The following TCF3 variants were observed in gnomAD, a reference collection of about 807,000 sequenced individuals.
TCF3 encodes transcription factor 3.
In TCF3, 54 loss-of-function variants were observed where a neutral mutation model predicts 72.3. The ratio of observed to expected loss-of-function variants is 0.75; its 90% CI spans 0.60 to 0.94. The LOEUF (loss-of-function observed/expected upper bound fraction) is 0.94, where lower values mean the gene tolerates loss of function less well. Among genes scored for constraint, TCF3 ranks in the 40% least tolerant of loss-of-function variants. The probability of loss-of-function intolerance (pLI) is 0.00; values close to 1 mark genes in which losing one functional copy is unlikely to be tolerated. For missense variants in TCF3, 1,078 were observed against 934.4 expected (o/e 1.15, Z -2.00); for synonymous variants, 525 against 412.6 (o/e 1.27, Z -3.30).
chr19:1,620,240 T>C (rs535269130), intron 13 of TCF3, among the ~76,000 whole-genome samples: 18 of 151,958 alleles, frequency 1.2e-4, no homozygotes, highest in Non-Finnish European at 1.3e-4. Flanking sequence ...CAGGCCGAGG[T>C]GAAGTGAGGG....
At position 1,622,149 on chromosome 19, in the gene TCF3, C is replaced by T. The variant is rs751551556; in HGVS notation, c.727G>A (p.Gly243Ser). 12 of 1,582,160 alleles carry T rather than the reference C, an allele frequency of 7.6e-6. No homozygotes were observed. The Middle Eastern group carries it at 5.3e-4, about 70-fold the overall frequency. Residue 243 changes from glycine to serine, a missense_variant, in exon 10 of 19, where the codon GGC becomes AGC. Physicochemically the swap from Gly to Ser is moderately conservative, Grantham distance 56 (BLOSUM62 0). Transcript: ENST00000262965. ...GGCGGGAGGGGCAGCGGGGATGAGC[C>T]CCCACCCAGCATGGGCCCGAAGCCC... ...QAGFGPMLGG[G>S]SSPLPLPPGS... is the part of the protein sequence containing the mutation.
Position 1,621,036 on chromosome 19 carries a change from G to C in TCF3, c.1025C>G (p.Pro342Arg), listed in dbSNP as rs747273925. 1.3e-6 allele frequency: 2 copies of C among 1,525,120 alleles called. No individual in the cohort carries two copies. Among genetic ancestry groups the C allele is most frequent in the Admixed American group, 4.3e-5 (2 of 46,880 alleles). The allele number at this position is 1,525,120 out of a possible 1,614,324, so 94.5% of individuals were successfully genotyped here. A position where few individuals can be genotyped will look rare whatever the true frequency, so the allele number is the denominator to read the frequency against. ...CGAGAAGTTATTGCTTGAGTGATCC[G>C]GGGAGTAGATCTGCGAGGAGGACCA... ...LGKALASIYS[P>R]DHSSNNFSSS... The change falls in exon 13 of 19, where the codon CCG becomes CGG. Residue 342 changes from proline to arginine, a missense_variant. By Grantham distance (103) the Pro-to-Arg change is moderately radical. Transcript: ENST00000262965.
Position 1,615,543 on chromosome 19 carries a change from G to A in TCF3, c.1587-23C>T, listed in dbSNP as rs752217023. 1 of 1,605,128 alleles carries A rather than the reference G, an allele frequency of 6.2e-7. No individual in the cohort carries two copies. Among genetic ancestry groups the A allele is most frequent in the Non-Finnish European group, 8.5e-7 (1 of 1,179,770 alleles). The stretch of plus-strand genomic sequence containing the variant: ...GGGCTATGGGGAGGGCGCCGGGAGG[G>A]GGCCAGAGGGAGACAGTGAGGTTGG... On this transcript the variant is annotated intron_variant, in intron 17 of 18. Coordinates refer to ENST00000262965, the MANE Select transcript of TCF3 (RefSeq NM_003200.5). The surrounding 1 kb of genome is among the most constrained non-coding windows in gnomAD (Gnocchi z 7.3).
chr19:1,646,684 G>A (rs1468786024), intron 2 of TCF3, among the ~76,000 whole-genome samples: 4 of 152,132 alleles, frequency 2.6e-5, no homozygotes, highest in African/African-American at 4.8e-5. Flanking sequence ...CCGCTGTACC[G>A]CCAGGCAGAG....
chr19:1,613,794 C>T (rs1303461805), intron 18 of TCF3, among the ~76,000 whole-genome samples: 3 of 151,978 alleles, frequency 2.0e-5, no homozygotes, highest in Non-Finnish European at 4.4e-5. Flanking sequence ...TGAGCCCTCC[C>T]TGAGCTCCTG....
chr19:1,639,397 C>A (rs1482347153), intron 3 of TCF3, among the ~76,000 whole-genome samples: 1 of 152,194 alleles, frequency 6.6e-6, no homozygotes, highest in Non-Finnish European at 1.5e-5. Flanking sequence ...CGAAATCCCA[C>A]TGTCTCAGCC....
chr19:1,624,136 G>T (rs766348133), intron 7 of TCF3, 136 bp from the exon 8 acceptor site: 1 of 781,482 alleles, frequency 1.3e-6, no homozygotes, highest in African/African-American at 1.7e-5. Context: ...GGTGCCTCAT[G>T]CCTGTAATAC....
chr19:1,651,806 C>T (rs1048184394), intron 1 of TCF3, among the ~76,000 whole-genome samples: 4 of 151,416 alleles, frequency 2.6e-5, no homozygotes, highest in East Asian at 2.0e-4. Flanking sequence ...CGCGCCCCCC[C>T]CCGGCCCGCC....
rs1054152133 is a variant in TCF3, at chr19:1,614,404, C to T, written c.1822+881G>A. ...TTGCAGCCCAGCCGCTCCCGGTGCT[C>T]GGGCAGCAAGTGCGAGGTGAGGAGG... On this transcript the variant is annotated intron_variant, in intron 18 of 18. Transcript: ENST00000262965. This position sits in a 1 kb window ranked among gnomAD's most constrained non-coding sequence, Gnocchi z 5.6. 5.3e-5 allele frequency among the ~76,000 whole-genome samples: 8 copies of T among 152,236 alleles called. No homozygotes were observed. The highest frequency in any genetic ancestry group is 3.9e-4 in the Admixed American group (6 of 15,298).
chr19:1,619,137 A>G lies in TCF3; in HGVS notation c.1424T>C (p.Leu475Pro). 1.3e-6 allele frequency: 2 copies of G among 1,599,846 alleles called. No homozygotes were observed. The highest frequency in any genetic ancestry group is 1.7e-6 in the Non-Finnish European group (2 of 1,179,740). The change falls in exon 16 of 19, where the codon CTG becomes CCG. Residue 475 changes from leucine (L) to proline (P), a missense_variant. Leu to Pro is a moderately conservative substitution (Grantham distance 98). Transcript: ENST00000262965. ...ACTGTAGGAGTCGGGAGGCCGAGAC[A>G]GGTCAGGGAGGGTGCCTGGCTGGCT... ...LPSQPGTLPD[L>P]SRPPDSYSGL...
chr19:1,646,526 C>A (rs1011566414), intron 2 of TCF3, 99 bp from the exon 3 acceptor site: 1 of 1,131,506 alleles, frequency 8.8e-7, no homozygotes, highest in Non-Finnish European at 1.3e-6. Flanking sequence ...TGGGGACACC[C>A]GGGAACCTGA....
intron 4 of TCF3, 55 bp from the exon 5 acceptor site, chr19:1,632,171 C>T (rs1486786275): frequency 3.2e-6 from 5 of 1,585,196 alleles, no homozygotes; most frequent in East Asian, 2.3e-5. Flanking sequence ...GCCCCCCCTC[C>T]ACCCCGCATT....
intron 6 of TCF3, among the ~76,000 whole-genome samples, chr19:1,626,560 CCT>C (rs1426884691): frequency 6.6e-6 from 1 of 152,196 alleles, no homozygotes; most frequent in Non-Finnish European, 1.5e-5. Flanking sequence ...GAGCCCGCAC[CCT>C]GTGTGGCCAC....
chr19:1,620,949 C>G lies in TCF3; in HGVS notation c.1093+19G>C, dbSNP rs1161455451. On this transcript the variant is annotated intron_variant, in intron 13 of 18. Coordinates refer to ENST00000262965, the MANE Select transcript of TCF3 (RefSeq NM_003200.5). ...CCTCACAGACCTCAGCCTCCCCTCC[C>G]CCCAAAACCCTCACAGACCTGCCAG... 1 of 1,479,364 alleles carries G rather than the reference C, an allele frequency of 6.8e-7. No homozygotes were observed. Among genetic ancestry groups the G allele is most frequent in the South Asian group, 1.4e-5 (1 of 73,032 alleles). 91.6% of individuals were successfully genotyped at this position (1,479,364 alleles called of 1,614,324 possible).
At chr19:1,630,560 C>A (rs1034786385) in intron 5 of TCF3, among the ~76,000 whole-genome samples, 3 of 152,186 alleles carry the variant, frequency 2.0e-5, no homozygotes, top group Non-Finnish European at 4.4e-5. Flanking sequence ...ACGGTGAGCA[C>A]CTGGGCCCCG....
At chr19:1,635,897 C>T (rs756912667) in intron 3 of TCF3, among the ~76,000 whole-genome samples, 2 of 152,220 alleles carry the variant, frequency 1.3e-5, no homozygotes, top group African/African-American at 4.8e-5. Flanking sequence ...TCCGTTTACT[C>T]GGGAGTAGGA....
chr19:1,649,296 A>G (rs570569269), intron 2 of TCF3, among the ~76,000 whole-genome samples: 1 of 152,336 alleles, frequency 6.6e-6, no homozygotes, highest in Non-Finnish European at 1.5e-5. Flanking sequence ...ACGTGTGACT[A>G]ATTAACCACA....
At chr19:1,649,392 C>G (rs558588248) in intron 2 of TCF3, among the ~76,000 whole-genome samples, 49 of 152,040 alleles carry the variant, frequency 3.2e-4, no homozygotes, top group Non-Finnish European at 5.9e-5. Flanking sequence ...GGAGGGTGGT[C>G]CGCTCAGCAC....
At chr19:1,621,312 C>G in intron 11 of TCF3, 121 bp from the exon 12 acceptor site, 1 of 1,242,964 alleles carries the variant, frequency 8.0e-7, no homozygotes. Context: ...CAGCCTGACT[C>G]GGGTCCGGTT....
Sources: allele counts gnomAD v4.1 joint callset (sites outside exome capture counted in the v4.1 genomes callset), GRCh38; gene constraint gnomAD v4.1.1; non-coding constraint Gnocchi (gnomAD v3.1); transcripts MANE v1.5; gene names NCBI Gene and HGNC (gene_info 2026-07-23, HGNC 2026-07-21).